The following CROCC2 variants were observed in gnomAD, a reference collection of about 807,000 sequenced individuals.
CROCC2 encodes the protein ciliary rootlet coiled-coil protein 2.
CROCC2 carries 163 observed loss-of-function variants against 177.6 expected under a neutral mutation model. The observed-to-expected ratio is 0.92, with a 90% confidence interval of 0.81 to 1.05. The LOEUF (loss-of-function observed/expected upper bound fraction) is 1.05, where lower values mean the gene tolerates loss of function less well. CROCC2 is among the 50% of genes least tolerant of loss of function. The probability of loss-of-function intolerance (pLI) is 0.00; values close to 1 mark genes in which losing one functional copy is unlikely to be tolerated. For missense variants in CROCC2, 1,929 were observed against 1,797.8 expected (o/e 1.07, Z -1.32); for synonymous variants, 904 against 787.3 (o/e 1.15, Z -2.48).
chr2:240,967,608 C>T (rs1240714210), intron 26 of CROCC2, 143 bp downstream of exon 26: 10 of 1,479,578 alleles, frequency 6.8e-6, no homozygotes, highest in African/African-American at 1.4e-5. Context: ...CCCAAACCAC[C>T]AGGCCTGGCG....
At position 240,972,568 on chromosome 2, in the gene CROCC2, C is replaced by T. The variant is rs1486570914; in HGVS notation, c.4401+4306C>T. Reference sequence around the variant, plus strand: ...AGGGTATGGGGACATGGGGGTCCAACTTTGGGTCTCCACAATGAGTGCAGA... The same window carrying T: ...AGGGTATGGGGACATGGGGGTCCAATTTTGGGTCTCCACAATGAGTGCAGA... On this transcript the variant is annotated intron_variant, in intron 27 of 31. Coordinates refer to ENST00000690015, the MANE Select transcript of CROCC2 (RefSeq NM_001351305.2). This position sits in a 1 kb window ranked among gnomAD's most constrained non-coding sequence, Gnocchi z 7.1. Among the ~76,000 whole-genome samples the T allele has an allele frequency of 6.6e-6, 1 of 152,010 alleles. No homozygotes were observed.
In CROCC2 at chr2:240,950,191, G is replaced by A. The variant is rs200453753; in HGVS notation, c.2653-143G>A. 707 of 729,214 alleles carry A rather than the reference G, an allele frequency of 9.7e-4. 18 individuals carry two copies. In the East Asian group the frequency reaches 0.015, roughly 16 times the overall value. The allele number at this position is 729,214 out of a possible 1,614,324, so 45.2% of individuals were successfully genotyped here. A position where few individuals can be genotyped will look rare whatever the true frequency, so the allele number is the denominator to read the frequency against. On this transcript the variant is annotated intron_variant, in intron 17 of 31. Coordinates refer to ENST00000690015, the MANE Select transcript of CROCC2 (RefSeq NM_001351305.2). Reference sequence around the variant, plus strand: ...TCTGCTGACCCTGAGGGGAAGACGTGGGGGGTGTGCAGCTGGCTGGTCTGG... The same window carrying A: ...TCTGCTGACCCTGAGGGGAAGACGTAGGGGGTGTGCAGCTGGCTGGTCTGG...
At chr2:240,941,573 G>C (rs2059494772) in intron 14 of CROCC2, among the ~76,000 whole-genome samples, 1 of 152,106 alleles carries the variant, frequency 6.6e-6, no homozygotes. Flanking sequence ...AAAACATAAA[G>C]TAAAGAAAGG....
intron 6 of CROCC2, among the ~76,000 whole-genome samples, chr2:240,930,581 G>A (rs1015159244): frequency 6.6e-6 from 1 of 152,116 alleles, no homozygotes; most frequent in African/African-American, 2.4e-5. Flanking sequence ...GGAGCTTCTG[G>A]AGTCTGTCCA....
intron 14 of CROCC2, among the ~76,000 whole-genome samples, chr2:240,937,731 A>C (rs2059478720): frequency 1.3e-5 from 2 of 152,296 alleles, no homozygotes; most frequent in South Asian, 4.1e-4. Context: ...TAGCAGCATA[A>C]ACATCACCAG....
intron 1 of CROCC2, among the ~76,000 whole-genome samples, chr2:240,913,660 C>T (rs1258013451): frequency 1.3e-5 from 2 of 152,274 alleles, no homozygotes; most frequent in Non-Finnish European, 2.9e-5. Context: ...GAGGAGCAAA[C>T]TGACACCCAC....
rs752271345 is a variant in CROCC2 at position 240,983,024 on chromosome 2, C to T, written c.4546C>T (p.Arg1516Ter). The change falls in exon 28 of 32, where the codon CGA becomes TGA. Residue 1516 changes from arginine (R) to a stop codon, truncating the protein, a stop_gained. Coordinates refer to ENST00000690015, the MANE Select transcript of CROCC2 (RefSeq NM_001351305.2). LOFTEE classifies it high-confidence loss of function. ...GGCTGAGGTATCGCTGGAGCCCCTG[C>T]GACAGGTGAGGGTGACCAGGAGGGC... is the stretch of plus-strand genomic sequence containing the variant. ...QKAEVSLEPL[R>*]QMEQETLKRE... 43 of 1,549,776 alleles carry T rather than the reference C, an allele frequency of 2.8e-5. No individual in the cohort carries two copies. In the African/African-American group the frequency reaches 3.8e-4, roughly 14 times the overall value.
intron 1 of CROCC2, among the ~76,000 whole-genome samples, chr2:240,910,593 C>A (rs956024499): frequency 2.3e-4 from 35 of 152,324 alleles, no homozygotes; most frequent in Middle Eastern, 3.4e-3. Flanking sequence ...GGTCTGGAAC[C>A]CCAGTCCTGG....
At position 240,920,024 on chromosome 2, in the gene CROCC2, G is replaced by C. The variant is rs989077705; in HGVS notation, c.271G>C (p.Glu91Gln). The C allele has an allele frequency of 1.4e-6, 1 of 716,594 alleles. No individual in the cohort carries two copies. The highest frequency in any genetic ancestry group is 2.6e-6 in the Non-Finnish European group (1 of 384,928). The allele number at this position is 716,594 out of a possible 1,614,324, so 44.4% of individuals were successfully genotyped here. Residue 91 changes from glutamate to glutamine, a missense_variant, in exon 3 of 32, where the codon GAG becomes CAG. Glu to Gln is a conservative substitution (Grantham distance 29, BLOSUM62 2). Around this residue, in one of 3 missense-constraint regions of CROCC2, gnomAD observed 1,397 missense variants for 1,239.9 expected, o/e 1.13. Coordinates refer to ENST00000690015, the MANE Select transcript of CROCC2 (RefSeq NM_001351305.2). ...EPTATVARVQEENELLQEELT... is the reference protein window; with the variant it reads ...EPTATVARVQQENELLQEELT... ...GACAGCCACTGTGGCCCGAGTGCAAGAGGAGAACGAGCTCCTGCAGGAGGA... is the reference window on the plus strand; with the variant it reads ...GACAGCCACTGTGGCCCGAGTGCAACAGGAGAACGAGCTCCTGCAGGAGGA...
At chr2:240,942,665 G>A (rs2059501313) in intron 14 of CROCC2, among the ~76,000 whole-genome samples, 1 of 152,106 alleles carries the variant, frequency 6.6e-6, no homozygotes, top group African/African-American at 2.4e-5. Context: ...GGGATAAATT[G>A]CCTTTATCCA....
chr2:240,990,666 T>C (rs1334592903), intron 30 of CROCC2, among the ~76,000 whole-genome samples: 5 of 152,192 alleles, frequency 3.3e-5, no homozygotes, highest in Non-Finnish European at 4.4e-5. Flanking sequence ...CACTGCAACC[T>C]CCACCTGCTG....
At chr2:240,937,252 C>G (rs1042741465) in intron 14 of CROCC2, among the ~76,000 whole-genome samples, 1 of 152,120 alleles carries the variant, frequency 6.6e-6, no homozygotes, top group African/African-American at 2.4e-5. Flanking sequence ...CTGAGGATTT[C>G]ATTTGCATTT....
Position 240,988,810 on chromosome 2 carries a change from G to C in CROCC2, c.4623G>C (p.Gln1541His). ...RLGAEKEQLD[Q>H]SLNSLHQEVD... Reference sequence around the variant, plus strand: ...GGGCTGAGAAGGAGCAGCTGGACCAGTCTCTGAACAGCCTGCACCAGGAGG... The same window carrying C: ...GGGCTGAGAAGGAGCAGCTGGACCACTCTCTGAACAGCCTGCACCAGGAGG... Residue 1541 changes from glutamine (Q) to histidine (H), a missense_variant, in exon 29 of 32, where the codon CAG becomes CAC. Gln to His is a conservative substitution (Grantham distance 24). Transcript: ENST00000690015. 1 of 1,518,210 alleles carries C rather than the reference G, an allele frequency of 6.6e-7. No individual in the cohort carries two copies. The highest frequency in any genetic ancestry group is 1.3e-5 in the South Asian group (1 of 79,930). The allele number at this position is 1,518,210 out of a possible 1,614,324, so 94.0% of individuals were successfully genotyped here.
In CROCC2 at chr2:240,991,132, C is replaced by T. The variant is rs11896962; in HGVS notation, c.4864-64C>T. ...TCCTGTCACAGAGCCCTCCATGCCT[C>T]TATGCCCTGGGGCCCTGGCCGTGCA... On this transcript the variant is annotated intron_variant, in intron 30 of 31. Coordinates refer to ENST00000690015, the MANE Select transcript of CROCC2 (RefSeq NM_001351305.2). 10,566 of 1,311,496 alleles carry T rather than the reference C, an allele frequency of 8.1e-3. 561 individuals are homozygous for T. In the African/African-American group the frequency reaches 0.12, roughly 15 times the overall value. The allele number at this position is 1,311,496 out of a possible 1,614,324, so 81.2% of individuals were successfully genotyped here. A position where few individuals can be genotyped will look rare whatever the true frequency, so the allele number is the denominator to read the frequency against.
chr2:240,988,660 C>G, intron 28 of CROCC2, 79 bp from the exon 29 acceptor site: 1 of 1,277,202 alleles, frequency 7.8e-7, no homozygotes, highest in South Asian at 2.9e-5. Flanking sequence ...AGAGGCAACC[C>G]TGTGCTCCCA....
At chr2:240,922,452 A>C in intron 3 of CROCC2, 87 bp from the exon 4 acceptor site, 1 of 606,656 alleles carries the variant, frequency 1.6e-6, no homozygotes, top group Non-Finnish European at 3.0e-6. Flanking sequence ...CTTCCCCACT[A>C]AGGTCGGCTT....
In CROCC2 at chr2:240,959,325, G is replaced by A. The variant is rs1046964179; in HGVS notation, c.2968G>A (p.Glu990Lys). ...AQATISATTE[E>K]LKALQAQFED... ...GGCCACCATCAGTGCCACGACTGAG[G>A]AGCTGAAGGCCCTCCAGGCCCAGTT... Residue 990 changes from glutamate (E) to lysine (K), a missense_variant, in exon 20 of 32, where the codon GAG becomes AAG. Physicochemically the swap from Glu to Lys is moderately conservative, Grantham distance 56. Transcript: ENST00000690015. 4.5e-6 allele frequency: 7 copies of A among 1,550,442 alleles called. No homozygotes were observed. In the African/African-American group the frequency reaches 9.6e-5, roughly 21 times the overall value.
chr2:240,963,675 C>T lies in CROCC2; in HGVS notation c.3207C>T (p.Arg1069=). 1 of 1,550,076 alleles carries T rather than the reference C, an allele frequency of 6.5e-7. No individual in the cohort carries two copies. Among genetic ancestry groups the T allele is most frequent in the Non-Finnish European group, 8.7e-7 (1 of 1,146,782 alleles). The change falls in exon 21 of 32, where the codon CGC becomes CGT. Residue 1069 remains arginine (R), a synonymous_variant. Coordinates refer to ENST00000690015, the MANE Select transcript of CROCC2 (RefSeq NM_001351305.2). ...EGLHREAQEA[R]RALSDEAREK... ...TGCACAGGGAGGCCCAGGAGGCCCG[C>T]CGGGCGCTGAGTGACGAGGCCCGCG... is the stretch of plus-strand genomic sequence containing the variant.
rs2106484025 is a variant in CROCC2 at position 240,972,658 on chromosome 2, T to C, written c.4401+4396T>C. 6.6e-6 allele frequency among the ~76,000 whole-genome samples: 1 copy of C among 151,792 alleles called. No individual in the cohort carries two copies. Among genetic ancestry groups the C allele is most frequent in the South Asian group, 2.1e-4 (1 of 4,798 alleles). ...TTTTTCTGCTTGGTCTAGAATTTGC[T>C]CAACTTTTTTAGTGAAATGTGCTAA... On this transcript the variant is annotated intron_variant, in intron 27 of 31. Transcript: ENST00000690015. The surrounding 1 kb of genome is among the most constrained non-coding windows in gnomAD (Gnocchi z 7.1).
Sources: allele counts gnomAD v4.1 joint callset (sites outside exome capture counted in the v4.1 genomes callset), GRCh38; gene constraint gnomAD v4.1.1; regional missense constraint gnomAD v4.1.1; non-coding constraint Gnocchi (gnomAD v3.1); transcripts MANE v1.5; gene names NCBI Gene and HGNC (gene_info 2026-07-23, HGNC 2026-07-21).